The following NBEA variants were observed in gnomAD, a reference collection of about 807,000 sequenced individuals.
NBEA encodes the protein neurobeachin.
A neutral mutation model predicts 343.4 loss-of-function variants in NBEA; 44 were observed. That is an observed-to-expected ratio of 0.13 (90% CI 0.10 to 0.16). NBEA has a LOEUF of 0.16. Ranked by LOEUF, NBEA falls within the 10% of genes least tolerant of loss-of-function variation. The pLI is 1.00. For synonymous variants in NBEA, 1,175 were observed against 1,238.7 expected (o/e 0.95, Z 1.08); for missense variants, 2,555 against 3,631.3 (o/e 0.70, Z 7.62).
intron 38 of NBEA, among the ~76,000 whole-genome samples, chr13:35,363,606 A>G (rs777533066): frequency 1.3e-5 from 2 of 151,876 alleles, no homozygotes; most frequent in Non-Finnish European, 2.9e-5. Context: ...CCTGAATTCA[A>G]GATCCTGCTT....
intron 41 of NBEA, among the ~76,000 whole-genome samples, chr13:35,518,365 G>A (rs1484605169): frequency 6.6e-6 from 1 of 152,030 alleles, no homozygotes; most frequent in African/African-American, 2.4e-5. Flanking sequence ...AACAAATATG[G>A]AAGCAGACTC....
At chr13:35,414,394 C>T (rs1016451521) in intron 38 of NBEA, among the ~76,000 whole-genome samples, 2 of 151,234 alleles carry the variant, frequency 1.3e-5, no homozygotes, top group African/African-American at 4.8e-5. Flanking sequence ...CCCCACCTCA[C>T]GACAGGCCCC....
In NBEA at chr13:35,635,007, T is replaced by G. The variant is rs374426493; in HGVS notation, c.7617+6759T>G. ...AAGAACCAGAAGATAGATGTGTCTT[T>G]AACCAAAACAGCTGCAATGCTGGCT... On this transcript the variant is annotated intron_variant, in intron 49 of 58. Transcript: ENST00000379939. Among the ~76,000 whole-genome samples, 5 of 148,760 alleles carry G rather than the reference T, an allele frequency of 3.4e-5. No individual in the cohort carries two copies. The East Asian group carries it at 7.7e-4, about 23-fold the overall frequency.
rs556246605 is a variant in NBEA, at chr13:35,294,454, T to C, written c.5838+4004T>C. Among the ~76,000 whole-genome samples the C allele has an allele frequency of 9.9e-5, 15 of 152,202 alleles. No homozygotes were observed. The South Asian group carries it at 2.3e-3, about 23-fold the overall frequency. ...GTAGTGAAAGGATTTTTGGTGTGTA[T>C]AGTAAGAAGATTTCAAATATAAGGA... On this transcript the variant is annotated intron_variant, in intron 35 of 58. Transcript: ENST00000379939.
rs1000200675 is a variant in NBEA at position 35,427,326 on chromosome 13, C to T, written c.6180-4943C>T. Among the ~76,000 whole-genome samples the T allele has an allele frequency of 7.3e-4, 111 of 151,996 alleles. 1 individual carries two copies. The highest frequency in any genetic ancestry group is 2.5e-3 in the African/African-American group (103 of 41,468). On this transcript the variant is annotated intron_variant, in intron 38 of 58. Transcript: ENST00000379939. ...ATGGGTTTTTGGTGTGGATGTCCTTCCTGTTTGTTAGTTTTCCTTCTAACA... is the reference window on the plus strand; with the variant it reads ...ATGGGTTTTTGGTGTGGATGTCCTTTCTGTTTGTTAGTTTTCCTTCTAACA...
At chr13:35,098,075 T>A (rs2065430856) in intron 10 of NBEA, among the ~76,000 whole-genome samples, 1 of 152,174 alleles carries the variant, frequency 6.6e-6, no homozygotes, top group Admixed American at 6.6e-5. Context: ...TACACAGTTA[T>A]GATTCAGTTT....
intron 10 of NBEA, among the ~76,000 whole-genome samples, chr13:35,085,072 G>A (rs1166064238): frequency 6.6e-6 from 1 of 152,146 alleles, no homozygotes; most frequent in Non-Finnish European, 1.5e-5. Flanking sequence ...AACAGGCTCT[G>A]AAATTGAGGC....
At chr13:35,509,744 G>T (rs1156725741) in intron 41 of NBEA, among the ~76,000 whole-genome samples, 1 of 152,156 alleles carries the variant, frequency 6.6e-6, no homozygotes, top group Non-Finnish European at 1.5e-5. Flanking sequence ...GGTAGTGGAA[G>T]TCAAGAAAAG....
At chr13:35,646,930 G>A (rs2084266717) in intron 51 of NBEA, among the ~76,000 whole-genome samples, 1 of 152,144 alleles carries the variant, frequency 6.6e-6, no homozygotes, top group Non-Finnish European at 1.5e-5. Flanking sequence ...CTTCAAAATA[G>A]AGGTAAAAAT....
chr13:35,048,089 A>G (rs1318597080), intron 4 of NBEA, among the ~76,000 whole-genome samples: 2 of 151,792 alleles, frequency 1.3e-5, no homozygotes, highest in East Asian at 1.9e-4. Context: ...TGTTAGCATT[A>G]TGAACATTAT....
chr13:35,550,718 A>G (rs1465708150), intron 42 of NBEA, 124 bp downstream of exon 42: 3 of 693,538 alleles, frequency 4.3e-6, no homozygotes, highest in Non-Finnish European at 7.2e-6. Context: ...AAACAAACAG[A>G]AATTCTTTTT....
At chr13:35,584,504 CT>C (rs56397549) in intron 46 of NBEA, among the ~76,000 whole-genome samples, 47,540 of 143,526 alleles carry the variant, frequency 0.33, 8,324 homozygotes, top group Middle Eastern at 0.48. Flanking sequence ...TATTTCTCTT[CT>C]TTTTTTTTTT....
chr13:35,553,747 C>T (rs1457863535), intron 43 of NBEA, among the ~76,000 whole-genome samples: 2 of 152,100 alleles, frequency 1.3e-5, no homozygotes, highest in African/African-American at 2.4e-5. Context: ...AAACTAAACA[C>T]GAAGGAGTCC....
At chr13:35,081,722 G>A (rs937252509) in intron 10 of NBEA, among the ~76,000 whole-genome samples, 3 of 152,014 alleles carry the variant, frequency 2.0e-5, no homozygotes, top group African/African-American at 7.2e-5. Context: ...ACAGCAATTT[G>A]TGGAGTATAA....
chr13:35,332,395 G>A (rs938125038), intron 36 of NBEA, among the ~76,000 whole-genome samples: 1 of 152,016 alleles, frequency 6.6e-6, no homozygotes, highest in Admixed American at 6.6e-5. Context: ...GGTTGTTCAA[G>A]GATATAGAAT....
intron 1 of NBEA, among the ~76,000 whole-genome samples, chr13:35,019,856 A>G (rs924405596): frequency 6.6e-6 from 1 of 152,080 alleles, no homozygotes; most frequent in African/African-American, 2.4e-5. Flanking sequence ...CATGACTTTT[A>G]TTTGTATTAG....
intron 3 of NBEA, 57 bp downstream of exon 3, chr13:35,045,104 C>A: frequency 6.8e-7 from 1 of 1,460,090 alleles, no homozygotes; most frequent in South Asian, 1.2e-5. Flanking sequence ...ACTTAATGTT[C>A]AAAAGTTTGT....
chr13:35,085,714 T>C (rs2064718332), intron 10 of NBEA, among the ~76,000 whole-genome samples: 1 of 152,086 alleles, frequency 6.6e-6, no homozygotes, highest in African/African-American at 2.4e-5. Flanking sequence ...TTGAACATAG[T>C]GTTGGAAGTT....
chr13:35,192,483 A>T (rs1228558398), intron 30 of NBEA, among the ~76,000 whole-genome samples: 1 of 152,032 alleles, frequency 6.6e-6, no homozygotes, highest in African/African-American at 2.4e-5. Context: ...AGTCATTGAA[A>T]TATCAAAATT....
Sources: gnomAD v4.1 joint callset for allele counts (sites outside exome capture counted in the v4.1 genomes callset) on GRCh38, gnomAD v4.1.1 for gene constraint, MANE v1.5 for transcripts, NCBI Gene and HGNC (gene_info 2026-07-23, HGNC 2026-07-21) for gene names.